Variants in FMNL3 observed in about 807,000 individuals in gnomAD.
FMNL3 encodes formin like 3.
In FMNL3, 57 loss-of-function variants were observed where a neutral mutation model predicts 119.6. The observed-to-expected ratio is 0.48, with a 90% CI of 0.39 to 0.59. The LOEUF (loss-of-function observed/expected upper bound fraction) is 0.59. Among genes scored for constraint, FMNL3 ranks in the 20% least tolerant of loss-of-function variants. The pLI is 0.00. For synonymous variants in FMNL3, 491 were observed against 507.3 expected (o/e 0.97, Z 0.43); for missense variants, 1,053 against 1,323.5 (o/e 0.80, Z 3.17).
At chr12:49,704,757 A>G (rs564269092) in intron 1 of FMNL3, among the ~76,000 whole-genome samples, 145 of 151,188 alleles carry the variant, frequency 9.6e-4, no homozygotes, top group Non-Finnish European at 1.6e-3. Context: ...TATAATCTAT[A>G]TTGAGTACTT....
chr12:49,685,059 T>G (rs763753176), intron 1 of FMNL3, among the ~76,000 whole-genome samples: 1 of 152,134 alleles, frequency 6.6e-6, no homozygotes, highest in Non-Finnish European at 1.5e-5. Flanking sequence ...GAGTATGTGA[T>G]CTCAAGTCTA....
intron 4 of FMNL3, among the ~76,000 whole-genome samples, chr12:49,663,942 A>T (rs1302112318): frequency 1.3e-5 from 2 of 149,430 alleles, no homozygotes; most frequent in Admixed American, 1.3e-4. Context: ...TCTCTACTAA[A>T]TTTTTTTTTT....
At chr12:49,683,036 A>T (rs1311355572) in intron 1 of FMNL3, among the ~76,000 whole-genome samples, 1 of 152,016 alleles carries the variant, frequency 6.6e-6, no homozygotes, top group Non-Finnish European at 1.5e-5. Context: ...ACTGTCTCCT[A>T]ACTTCCTCGG....
In FMNL3 at chr12:49,636,997, G is replaced by C. The variant is rs1017789212; in HGVS notation, c.*8818C>G. The C allele has an allele frequency of 2.5e-6, 3 of 1,194,274 alleles. No homozygotes were observed. The highest frequency in any genetic ancestry group is 3.0e-5 in the African/African-American group (2 of 66,082). The allele number at this position is 1,194,274 out of a possible 1,614,324, so 74.0% of individuals were successfully genotyped here. ...TCTATGAGACCTCTCTCTGCCTGCA[G>C]TCTGTTTCTGCTGTACCTCCTCAAT... On this transcript the variant is annotated 3_prime_UTR_variant, in exon 26 of 26. Coordinates refer to ENST00000335154, the MANE Select transcript of FMNL3 (RefSeq NM_175736.5).
Position 49,668,991 on chromosome 12 carries a change from C to T in FMNL3, c.127-437G>A, listed in dbSNP as rs539502311. On this transcript the variant is annotated intron_variant, in intron 1 of 25. Coordinates refer to ENST00000335154, the MANE Select transcript of FMNL3 (RefSeq NM_175736.5). ...TTGAAAACCCACCAGGTTAAAGCAGCAATTTTTTTCAGTTTGCTTTTCCCC... is the reference window on the plus strand; with the variant it reads ...TTGAAAACCCACCAGGTTAAAGCAGTAATTTTTTTCAGTTTGCTTTTCCCC... Among the ~76,000 whole-genome samples, 3 of 152,250 alleles carry T rather than the reference C, an allele frequency of 2.0e-5. No individual in the cohort carries two copies. In the South Asian group the frequency reaches 6.2e-4, roughly 32 times the overall value.
rs1943262862 is a variant in FMNL3, at chr12:49,647,989, C to A, written c.2677-185G>T. 6.6e-6 allele frequency among the ~76,000 whole-genome samples: 1 copy of A among 152,038 alleles called. No homozygotes were observed. The highest frequency in any genetic ancestry group is 6.5e-5 in the Admixed American group (1 of 15,272). On this transcript the variant is annotated intron_variant, in intron 22 of 25. Coordinates refer to ENST00000335154, the MANE Select transcript of FMNL3 (RefSeq NM_175736.5). This position sits in a 1 kb window ranked among gnomAD's most constrained non-coding sequence, Gnocchi z 4.9. ...GCTCCTGAGTATGAGTCTCCAGAGGCAGCTGCCTGGCACTCCCAAAGCGCT... is the reference window on the plus strand; with the variant it reads ...GCTCCTGAGTATGAGTCTCCAGAGGAAGCTGCCTGGCACTCCCAAAGCGCT...
intron 1 of FMNL3, among the ~76,000 whole-genome samples, chr12:49,681,540 G>A (rs540129086): frequency 1.3e-5 from 2 of 151,938 alleles, no homozygotes; most frequent in Non-Finnish European, 2.9e-5. Context: ...AATCAGGGAT[G>A]ACTGGATTTG....
rs1258502794 is a variant in FMNL3, at chr12:49,647,157, C to T, written c.2871+119G>A. ...TCCCTCCATCCCTCTGGATGCCAGC[C>T]CACTGGCCCTCTGGGTGGTCTGTCC... On this transcript the variant is annotated intron_variant, in intron 24 of 25. Transcript: ENST00000335154. This position sits in a 1 kb window ranked among gnomAD's most constrained non-coding sequence, Gnocchi z 4.9. The T allele has an allele frequency of 3.9e-6, 6 of 1,541,290 alleles. No individual in the cohort carries two copies. Among genetic ancestry groups the T allele is most frequent in the Non-Finnish European group, 5.3e-6 (6 of 1,124,246 alleles).
intron 1 of FMNL3, among the ~76,000 whole-genome samples, chr12:49,686,414 T>C (rs993917700): frequency 6.6e-6 from 1 of 151,456 alleles, no homozygotes; most frequent in Non-Finnish European, 1.5e-5. Context: ...ACCCTGTCTC[T>C]ACTAAAAATA....
In FMNL3 at chr12:49,637,558, G is replaced by A. The variant is rs767137725; in HGVS notation, c.*8257C>T. On this transcript the variant is annotated 3_prime_UTR_variant, in exon 26 of 26. Coordinates refer to ENST00000335154, the MANE Select transcript of FMNL3 (RefSeq NM_175736.5). Reference sequence around the variant, plus strand: ...TATCCAGCAGTCAGCACTGATGTCCGCTTTGCCAACATGCTGGGCCAGCCG... The same window carrying A: ...TATCCAGCAGTCAGCACTGATGTCCACTTTGCCAACATGCTGGGCCAGCCG... The A allele has an allele frequency of 7.4e-6, 12 of 1,613,608 alleles. No homozygotes were observed. Among genetic ancestry groups the A allele is most frequent in the Non-Finnish European group, 9.3e-6 (11 of 1,180,022 alleles).
chr12:49,654,222 A>G lies in FMNL3; in HGVS notation c.1041T>C (p.Phe347=), dbSNP rs1943500278. ...MNFRVHLQYE[F]TKLGLEEFLQ... is the part of the protein sequence containing the mutation. ...GGAACTCCTCTAGCCCCAGCTTGGT[A>G]AACTCATACTGCAGGTGGACCCGGA... The change falls in exon 11 of 26, where the codon TTT becomes TTC. Residue 347 remains phenylalanine, a synonymous_variant. Coordinates refer to ENST00000335154, the MANE Select transcript of FMNL3 (RefSeq NM_175736.5). The G allele has an allele frequency of 1.2e-6, 2 of 1,614,152 alleles. No homozygotes were observed. Among genetic ancestry groups the G allele is most frequent in the East Asian group, 4.5e-5 (2 of 44,884 alleles).
In FMNL3 at chr12:49,645,835, G is replaced by T. The variant is rs774268068; in HGVS notation, c.3064C>A (p.Arg1022=). 5.6e-6 allele frequency: 9 copies of T among 1,602,822 alleles called. 1 individual carries two copies. In the East Asian group the frequency reaches 2.0e-4, roughly 36 times the overall value. Residue 1022 remains arginine (R), a synonymous_variant, in exon 26 of 26, where the codon CGG becomes AGG. Transcript: ENST00000335154. The part of the protein sequence containing the change: ...RSAAPPSGPP[R]APGPH ...GGGTCTCAGTGGGGGCCTGGAGCCC[G>T]AGGGGGACCACTGGGCGGTGCAGCA...
At chr12:49,704,983 C>G (rs1457990573) in intron 1 of FMNL3, among the ~76,000 whole-genome samples, 1 of 152,208 alleles carries the variant, frequency 6.6e-6, no homozygotes, top group African/African-American at 2.4e-5. Flanking sequence ...ACACCTGACT[C>G]AGTCAGTACT....
intron 1 of FMNL3, chr12:49,688,670 C>T: frequency 2.7e-6 from 1 of 372,376 alleles, no homozygotes; most frequent in Non-Finnish European, 5.3e-6. Context: ...TCCATTACAA[C>T]AGACCAGGCA....
intron 1 of FMNL3, among the ~76,000 whole-genome samples, chr12:49,678,121 C>T (rs1944240800): frequency 6.6e-6 from 1 of 151,856 alleles, no homozygotes; most frequent in South Asian, 2.1e-4. Context: ...CTCGGCCTCC[C>T]AAAGTGCTGG....
chr12:49,643,356 T>C lies in FMNL3; in HGVS notation c.*2459A>G. On this transcript the variant is annotated 3_prime_UTR_variant, in exon 26 of 26. Coordinates refer to ENST00000335154, the MANE Select transcript of FMNL3 (RefSeq NM_175736.5). ...TCAGTTGAAAGTGGGGGTGCTGCCC[T>C]TGGAGGACGGGGCTCCCCTTCCTCC... The C allele has an allele frequency of 1.1e-5, 18 of 1,593,818 alleles. No individual in the cohort carries two copies. Among genetic ancestry groups the C allele is most frequent in the Non-Finnish European group, 1.5e-5 (18 of 1,170,430 alleles).
At chr12:49,665,319 C>T (rs1262132697) in intron 4 of FMNL3, among the ~76,000 whole-genome samples, 3 of 152,100 alleles carry the variant, frequency 2.0e-5, no homozygotes, top group Non-Finnish European at 2.9e-5. Context: ...CATTCAGCTC[C>T]TGCCCCCAGT....
At position 49,648,166 on chromosome 12, in the gene FMNL3, C is replaced by T. The variant is rs753000470; in HGVS notation, c.2676+27G>A. 2.5e-6 allele frequency: 4 copies of T among 1,599,546 alleles called. No homozygotes were observed. In the South Asian group the frequency reaches 3.3e-5, roughly 13 times the overall value. ...GGGCCTGGTGCCTTGGCCCTGGTTG[C>T]TCCCACCGCCTGCACCCCGTGCTTG... On this transcript the variant is annotated intron_variant, in intron 22 of 25. Coordinates refer to ENST00000335154, the MANE Select transcript of FMNL3 (RefSeq NM_175736.5).
intron 1 of FMNL3, among the ~76,000 whole-genome samples, chr12:49,701,068 G>A (rs1421786729): frequency 7.7e-6 from 1 of 130,362 alleles, no homozygotes; most frequent in Non-Finnish European, 1.5e-5. Flanking sequence ...AACAGAGTGA[G>A]ACTCCATCTC....
Sources: allele counts gnomAD v4.1 joint callset (sites outside exome capture counted in the v4.1 genomes callset), GRCh38; gene constraint gnomAD v4.1.1; non-coding constraint Gnocchi (gnomAD v3.1); transcripts MANE v1.5; gene names NCBI Gene and HGNC (gene_info 2026-07-23, HGNC 2026-07-21).